PLBD1: variants seen among roughly 807,000 people sequenced by gnomAD.
PLBD1 encodes the protein lysosomal leucine aminopeptidase.
In PLBD1, 60 loss-of-function variants were observed where a neutral mutation model predicts 63.0. The observed-to-expected ratio is 0.95, with a 90% CI of 0.77 to 1.18. PLBD1 has a LOEUF of 1.18. Ranked by LOEUF, PLBD1 falls within the 50% of genes most tolerant of loss-of-function variation. The pLI is 0.00. For synonymous variants in PLBD1, 262 were observed against 248.0 expected (o/e 1.06, Z -0.53); for missense variants, 598 against 677.9 (o/e 0.88, Z 1.31).
At chr12:14,509,478 G>A (rs76943759) in intron 8 of PLBD1, among the ~76,000 whole-genome samples, 1 of 152,116 alleles carries the variant, frequency 6.6e-6, no homozygotes, top group East Asian at 1.9e-4. Context: ...TTGACTTCTT[G>A]GATGGATTTT....
chr12:14,505,685 T>C (rs1945248986), intron 10 of PLBD1, among the ~76,000 whole-genome samples: 1 of 152,252 alleles, frequency 6.6e-6, no homozygotes, highest in Admixed American at 6.5e-5. Flanking sequence ...TGCTGTGCTT[T>C]AGGCATCTTG....
intron 9 of PLBD1, 135 bp from the exon 10 acceptor site, chr12:14,506,403 C>T (rs2136902489): frequency 3.2e-6 from 2 of 631,316 alleles, no homozygotes; most frequent in East Asian, 5.9e-5. Context: ...GCCCAGTCTG[C>T]TTCCAGATAG....
intron 6 of PLBD1, among the ~76,000 whole-genome samples, chr12:14,514,923 T>C (rs896007160): frequency 1.2e-4 from 18 of 152,056 alleles, no homozygotes; most frequent in African/African-American, 2.4e-5. Context: ...GGAAGGCAGA[T>C]TGAGATCAGG....
intron 1 of PLBD1, among the ~76,000 whole-genome samples, chr12:14,566,383 C>G (rs1412179288): frequency 6.6e-6 from 1 of 152,138 alleles, no homozygotes; most frequent in East Asian, 1.9e-4. Context: ...AGAATCAGTA[C>G]ACATATTTAG....
intron 6 of PLBD1, among the ~76,000 whole-genome samples, chr12:14,528,863 TAGAA>T (rs879384176): frequency 6.6e-6 from 1 of 152,076 alleles, no homozygotes; most frequent in Non-Finnish European, 1.5e-5. Context: ...AACAATAACT[TAGAA>T]AGAAGGGATA....
intron 8 of PLBD1, 97 bp downstream of exon 8, chr12:14,511,163 C>CT (rs1945295203): frequency 8.7e-7 from 1 of 1,147,300 alleles, no homozygotes; most frequent in African/African-American, 1.6e-5. Flanking sequence ...CCACCATACC[C>CT]TCCCCCACCA....
chr12:14,560,638 G>A (rs954435458), intron 1 of PLBD1, among the ~76,000 whole-genome samples: 2 of 152,072 alleles, frequency 1.3e-5, no homozygotes, highest in African/African-American at 2.4e-5. Context: ...ACTCTTCATC[G>A]GAGTCACTAA....
chr12:14,550,954 G>T (rs1945654222), intron 2 of PLBD1, among the ~76,000 whole-genome samples: 1 of 152,124 alleles, frequency 6.6e-6, no homozygotes, highest in Non-Finnish European at 1.5e-5. Flanking sequence ...AAGGTGGGAA[G>T]ATCTCTTGAG....
At chr12:14,525,733 T>G (rs1945411918) in intron 6 of PLBD1, among the ~76,000 whole-genome samples, 1 of 150,502 alleles carries the variant, frequency 6.6e-6, no homozygotes, top group Non-Finnish European at 1.5e-5. Flanking sequence ...ACACTTGTTT[T>G]AATTTTTTAA....
At chr12:14,505,417 T>C (rs1945245994) in intron 10 of PLBD1, among the ~76,000 whole-genome samples, 1 of 152,166 alleles carries the variant, frequency 6.6e-6, no homozygotes, top group Non-Finnish European at 1.5e-5. Flanking sequence ...ACCAACCAAA[T>C]GCCTCATACC....
intron 6 of PLBD1, among the ~76,000 whole-genome samples, chr12:14,515,164 A>C (rs1239977190): frequency 6.6e-6 from 1 of 152,196 alleles, no homozygotes; most frequent in Admixed American, 6.5e-5. Context: ...ACACATTAGA[A>C]ACAATTATGA....
intron 1 of PLBD1, among the ~76,000 whole-genome samples, chr12:14,567,189 G>A (rs1945796371): frequency 6.6e-6 from 1 of 152,170 alleles, no homozygotes; most frequent in African/African-American, 2.4e-5. Flanking sequence ...CAAAGTCAAT[G>A]TAAATTTTTA....
chr12:14,527,034 A>C (rs144529398), intron 6 of PLBD1, among the ~76,000 whole-genome samples: 72 of 152,314 alleles, frequency 4.7e-4, no homozygotes, highest in African/African-American at 1.7e-3. Context: ...TACAGACTTA[A>C]GCTGCATTTA....
chr12:14,543,180 G>T (rs1299719370), intron 2 of PLBD1, among the ~76,000 whole-genome samples: 1 of 151,448 alleles, frequency 6.6e-6, no homozygotes, highest in African/African-American at 2.4e-5. Flanking sequence ...TCTTTGTTTA[G>T]ATAATACTTT....
intron 6 of PLBD1, among the ~76,000 whole-genome samples, chr12:14,517,059 A>C (rs1945342511): frequency 6.6e-6 from 1 of 152,180 alleles, no homozygotes; most frequent in African/African-American, 2.4e-5. Context: ...AAAGTCCTTT[A>C]AATAGGTTCC....
rs182479950 is a variant in PLBD1 at position 14,534,519 on chromosome 12, T to G, written c.844+1140A>C. 2.0e-3 allele frequency among the ~76,000 whole-genome samples: 307 copies of G among 152,022 alleles called. 3 individuals carry two copies. The highest frequency in any genetic ancestry group is 7.1e-3 in the African/African-American group (293 of 41,512). ...CTGTGGGTCATATGTTTGCTACCAT[T>G]GTTTCCACTTTCTCTTTTCTTTTCT... On this transcript the variant is annotated intron_variant, in intron 6 of 10. Transcript: ENST00000240617.
At chr12:14,556,866 T>C (rs10846022) in intron 1 of PLBD1, among the ~76,000 whole-genome samples, 149,121 of 151,610 alleles carry the variant, frequency 0.98, 73,353 homozygotes, top group East Asian at 1. Context: ...AGCCTGTAAT[T>C]CCAACTACTT....
chr12:14,544,222 G>A (rs1945598546), intron 2 of PLBD1, among the ~76,000 whole-genome samples: 1 of 152,194 alleles, frequency 6.6e-6, no homozygotes, highest in Non-Finnish European at 1.5e-5. Flanking sequence ...CACCCAGGCT[G>A]GAGGGCTGCG....
At chr12:14,526,242 A>T (rs1945414640) in intron 6 of PLBD1, among the ~76,000 whole-genome samples, 1 of 152,242 alleles carries the variant, frequency 6.6e-6, no homozygotes, top group Non-Finnish European at 1.5e-5. Flanking sequence ...TGTACTAATT[A>T]TCTGTCTACA....
Sources: allele counts gnomAD v4.1 joint callset (sites outside exome capture counted in the v4.1 genomes callset), GRCh38; gene constraint gnomAD v4.1.1; transcripts MANE v1.5; gene names NCBI Gene and HGNC (gene_info 2026-07-23, HGNC 2026-07-21).